The following GCN1 variants were observed in gnomAD, a reference collection of about 807,000 sequenced individuals.
GCN1 encodes GCN1 activator of EIF2AK4.
Under a neutral mutation model 288.4 loss-of-function variants are expected in GCN1, and 90 were observed. The observed-to-expected ratio is 0.31, with a 90% CI of 0.26 to 0.37. The LOEUF (loss-of-function observed/expected upper bound fraction) is 0.37, where lower values mean the gene tolerates loss of function less well. GCN1 is among the 10% of genes least tolerant of loss of function. The pLI is 1.00. For synonymous variants in GCN1, 1,386 were observed against 1,420.2 expected (o/e 0.98, Z 0.54); for missense variants, 2,586 against 3,419.9 (o/e 0.76, Z 6.08).
At chr12:120,187,315 C>T (rs544563670) in intron 2 of GCN1, among the ~76,000 whole-genome samples, 39 of 151,596 alleles carry the variant, frequency 2.6e-4, no homozygotes, top group Admixed American at 2.2e-3. Context: ...CAGGTTCAAG[C>T]GATTCTCCTG....
At position 120,158,130 on chromosome 12, in the gene GCN1, C is replaced by G; in HGVS notation, c.2906-100G>C. The G allele has an allele frequency of 8.4e-7, 1 of 1,194,766 alleles. No homozygotes were observed. Among genetic ancestry groups the G allele is most frequent in the Non-Finnish European group, 1.2e-6 (1 of 839,442 alleles). The allele number at this position is 1,194,766 out of a possible 1,614,324, so 74.0% of individuals were successfully genotyped here. ...CAGGGAAAGTAGGGAACGGATGGACCAGAGGCCCGTTCTGACACCTGGAAG... is the reference window on the plus strand; with the variant it reads ...CAGGGAAAGTAGGGAACGGATGGACGAGAGGCCCGTTCTGACACCTGGAAG... On this transcript the variant is annotated intron_variant, in intron 25 of 57. Coordinates refer to ENST00000300648, the MANE Select transcript of GCN1 (RefSeq NM_006836.2). This position sits in a 1 kb window ranked among gnomAD's most constrained non-coding sequence, Gnocchi z 4.3.
rs751005056 is a variant in GCN1, at chr12:120,158,076, C to T, written c.2906-46G>A. Reference sequence around the variant, plus strand: ...TAAGATTCTGCAGGCAGGGCAGGGACCCGGGCCACTGCTGCCTATTTCTAT... The same window carrying T: ...TAAGATTCTGCAGGCAGGGCAGGGATCCGGGCCACTGCTGCCTATTTCTAT... On this transcript the variant is annotated intron_variant, in intron 25 of 57. Coordinates refer to ENST00000300648, the MANE Select transcript of GCN1 (RefSeq NM_006836.2). This position sits in a 1 kb window ranked among gnomAD's most constrained non-coding sequence, Gnocchi z 4.3. 2.5e-6 allele frequency: 4 copies of T among 1,579,776 alleles called. No individual in the cohort carries two copies. Among genetic ancestry groups the T allele is most frequent in the Non-Finnish European group, 2.6e-6 (3 of 1,153,130 alleles).
At chr12:120,150,193 G>T (rs755171825) in intron 34 of GCN1, 150 bp from the exon 35 acceptor site, 18 of 712,462 alleles carry the variant, frequency 2.5e-5, no homozygotes, top group Non-Finnish European at 4.1e-5. Flanking sequence ...CCCATGAGGA[G>T]GCAGCACCCT....
intron 14 of GCN1, among the ~76,000 whole-genome samples, chr12:120,170,607 G>A (rs539048434): frequency 6.6e-6 from 1 of 151,402 alleles, no homozygotes; most frequent in African/African-American, 2.4e-5. Context: ...CTGGGAGTTC[G>A]AGATCAGCCT....
chr12:120,187,600 CT>C (rs202213655), intron 2 of GCN1, among the ~76,000 whole-genome samples: 24 of 148,840 alleles, frequency 1.6e-4, no homozygotes, highest in Middle Eastern at 3.6e-3. Flanking sequence ...TGTGCCCAAA[CT>C]TTTTTTTTTG....
intron 34 of GCN1, 43 bp from the exon 35 acceptor site, chr12:120,150,086 C>T: frequency 1.2e-6 from 2 of 1,607,158 alleles, no homozygotes; most frequent in Non-Finnish European, 1.7e-6. Context: ...AGAATGTCCC[C>T]TGGGGGTAGC....
rs1594269366 is a variant in GCN1, at chr12:120,151,456, T to C, written c.4063-65A>G. Reference sequence around the variant, plus strand: ...CAGCCGTTTCATGGTTGGTGGGGGGTCTGACCATTCTACACAGCACCCACC... The same window carrying C: ...CAGCCGTTTCATGGTTGGTGGGGGGCCTGACCATTCTACACAGCACCCACC... On this transcript the variant is annotated intron_variant, in intron 33 of 57. Transcript: ENST00000300648. 3.9e-6 allele frequency: 6 copies of C among 1,552,876 alleles called. No individual in the cohort carries two copies. The East Asian group carries it at 1.1e-4, about 29-fold the overall frequency.
At position 120,155,805 on chromosome 12, in the gene GCN1, T is replaced by C. The variant is rs1356306327; in HGVS notation, c.3313-86A>G. 25 of 1,321,442 alleles carry C rather than the reference T, an allele frequency of 1.9e-5. No homozygotes were observed. In the Admixed American group the frequency reaches 4.1e-4, roughly 22 times the overall value. 81.9% of individuals were successfully genotyped at this position (1,321,442 alleles called of 1,614,324 possible). ...CTCCTCACCTCTCTCTAGGTTGTAC[T>C]GTCCAAGATGTAGCCACTAACCGCA... On this transcript the variant is annotated intron_variant, in intron 28 of 57. Coordinates refer to ENST00000300648, the MANE Select transcript of GCN1 (RefSeq NM_006836.2). The surrounding 1 kb of genome is among the most constrained non-coding windows in gnomAD (Gnocchi z 4.9).
At position 120,138,369 on chromosome 12, in the gene GCN1, A is replaced by G. The variant is rs1435110639; in HGVS notation, c.6203T>C (p.Val2068Ala). The G allele has an allele frequency of 1.9e-6, 3 of 1,612,510 alleles. No homozygotes were observed. Among genetic ancestry groups the G allele is most frequent in the Non-Finnish European group, 2.5e-6 (3 of 1,178,508 alleles). The change falls in exon 47 of 58, where the codon GTC becomes GCC. Residue 2068 changes from valine (V) to alanine (A), a missense_variant. Val to Ala is a moderately conservative substitution (Grantham distance 64, BLOSUM62 0). Around this residue, in one of 8 missense-constraint regions of GCN1, gnomAD observed 437 missense variants for 570.5 expected, o/e 0.77. Coordinates refer to ENST00000300648, the MANE Select transcript of GCN1 (RefSeq NM_006836.2). ...CACCACACGACTCTTAATAGCCATGACTTGCTTCAGACCATCCAAGGCAAA... is the reference window on the plus strand; with the variant it reads ...CACCACACGACTCTTAATAGCCATGGCTTGCTTCAGACCATCCAAGGCAAA... ...SEFALDGLKQ[V>A]MAIKSRVVLP... is the part of the protein sequence containing the mutation.
Position 120,144,595 on chromosome 12 carries a change from G to T in GCN1, c.5352+44C>A. On this transcript the variant is annotated intron_variant, in intron 41 of 57. Coordinates refer to ENST00000300648, the MANE Select transcript of GCN1 (RefSeq NM_006836.2). This position sits in a 1 kb window ranked among gnomAD's most constrained non-coding sequence, Gnocchi z 4.7. ...CTCTCCAGGTGAGCACTTGCCTCCTGCCCTCCTCAAGGACTCTACCCTTGC... is the reference window on the plus strand; with the variant it reads ...CTCTCCAGGTGAGCACTTGCCTCCTTCCCTCCTCAAGGACTCTACCCTTGC... 6.3e-7 allele frequency: 1 copy of T among 1,576,486 alleles called. No homozygotes were observed. Among genetic ancestry groups the T allele is most frequent in the Non-Finnish European group, 8.7e-7 (1 of 1,148,300 alleles).
intron 18 of GCN1, among the ~76,000 whole-genome samples, chr12:120,163,783 A>G (rs1011303061): frequency 6.6e-6 from 1 of 152,258 alleles, no homozygotes; most frequent in African/African-American, 2.4e-5. Flanking sequence ...AAAATGCTTT[A>G]AAAAGTACAA....
At chr12:120,129,118 C>T (rs563539373) in intron 57 of GCN1, among the ~76,000 whole-genome samples, 158 bp downstream of exon 57, 5 of 152,336 alleles carry the variant, frequency 3.3e-5, no homozygotes, top group Admixed American at 2.0e-4. Context: ...CGCGAGCCAC[C>T]GCGCCCGGCC....
At position 120,153,150 on chromosome 12, in the gene GCN1, C is replaced by G; in HGVS notation, c.4062+63G>C. The G allele has an allele frequency of 5.5e-6, 8 of 1,454,462 alleles. No homozygotes were observed. Among genetic ancestry groups the G allele is most frequent in the Non-Finnish European group, 7.7e-6 (8 of 1,045,100 alleles). The allele number at this position is 1,454,462 out of a possible 1,614,324, so 90.1% of individuals were successfully genotyped here. A position where few individuals can be genotyped will look rare whatever the true frequency, so the allele number is the denominator to read the frequency against. The stretch of plus-strand genomic sequence containing the variant: ...AACTCCACCCCTAGTATCCCACCGC[C>G]TAACCACAGCCGGGTCCCAATTCTC... On this transcript the variant is annotated intron_variant, in intron 33 of 57. Coordinates refer to ENST00000300648, the MANE Select transcript of GCN1 (RefSeq NM_006836.2). The surrounding 1 kb of genome is among the most constrained non-coding windows in gnomAD (Gnocchi z 4.4).
chr12:120,170,434 A>ATT (rs1878279832), intron 14 of GCN1, 113 bp from the exon 15 acceptor site: 10 of 884,732 alleles, frequency 1.1e-5, no homozygotes, highest in Non-Finnish European at 1.8e-5. Flanking sequence ...CCTTCAGTTA[A>ATT]TTTTTCAAAT....
rs745744265 is a variant in GCN1, at chr12:120,131,308, C to T, written c.7440G>A (p.Met2480Ile). The T allele has an allele frequency of 1.9e-6, 3 of 1,614,110 alleles. No individual in the cohort carries two copies. Among genetic ancestry groups the T allele is most frequent in the East Asian group, 2.2e-5 (1 of 44,888 alleles). ...GTGCCAGGCTCCGCCCGTGCCGAAC[C>T]ATCCAGTCAATGCCGGACACGTCCG... ...LLADVSGIDW[M>I]VRHGRSLALS... Residue 2480 changes from methionine to isoleucine, a missense_variant, in exon 55 of 58, where the codon ATG becomes ATA. Coordinates refer to ENST00000300648, the MANE Select transcript of GCN1 (RefSeq NM_006836.2).
rs1878385186 is a variant in GCN1, at chr12:120,173,822, A to G, written c.1197T>C (p.His399=). 1 of 1,613,462 alleles carries G rather than the reference A, an allele frequency of 6.2e-7. No individual in the cohort carries two copies. Among genetic ancestry groups the G allele is most frequent in the Non-Finnish European group, 8.5e-7 (1 of 1,179,476 alleles). The change falls in exon 14 of 58, where the codon CAT becomes CAC. Residue 399 remains histidine, a synonymous_variant. Transcript: ENST00000300648. Reference sequence around the variant, plus strand: ...AGACAGCGTGTACCAAGGTCCCTTCATGAACTAGGGCAAAAAGCAGAAGTC... The same window carrying G: ...AGACAGCGTGTACCAAGGTCCCTTCGTGAACTAGGGCAAAAAGCAGAAGTC... The part of the protein sequence containing the change: ...LFIPFLQQEV[H]EGTLVHAVSV...
chr12:120,171,260 G>A (rs2139126666), intron 14 of GCN1, among the ~76,000 whole-genome samples: 1 of 152,204 alleles, frequency 6.6e-6, no homozygotes, highest in South Asian at 2.1e-4. Context: ...GAGGTCAGGA[G>A]TTCAAGACCA....
Position 120,176,245 on chromosome 12 carries a change from G to A in GCN1, c.839-28C>T, listed in dbSNP as rs1261455509. On this transcript the variant is annotated intron_variant, in intron 9 of 57. Coordinates refer to ENST00000300648, the MANE Select transcript of GCN1 (RefSeq NM_006836.2). ...AAGGGGGACAGAAAGCACTGACCAT[G>A]TCAGTCTAAGCAATAAATTCAACAG... 8 of 1,432,690 alleles carry A rather than the reference G, an allele frequency of 5.6e-6. No individual in the cohort carries two copies. The Admixed American group carries it at 1.2e-4, about 21-fold the overall frequency. The allele number at this position is 1,432,690 out of a possible 1,614,324, so 88.7% of individuals were successfully genotyped here.
intron 16 of GCN1, 32 bp downstream of exon 16, chr12:120,168,176 T>A: frequency 8.0e-7 from 1 of 1,250,728 alleles, no homozygotes; most frequent in East Asian, 2.3e-5. Flanking sequence ...TTTGCCTCAA[T>A]CCCGAGTTCA....
Sources: allele counts gnomAD v4.1 joint callset (sites outside exome capture counted in the v4.1 genomes callset), GRCh38; gene constraint gnomAD v4.1.1; regional missense constraint gnomAD v4.1.1; non-coding constraint Gnocchi (gnomAD v3.1); transcripts MANE v1.5; gene names NCBI Gene and HGNC (gene_info 2026-07-23, HGNC 2026-07-21).